Variants in RBFOX1 observed in about 807,000 individuals in gnomAD.
RBFOX1 encodes RNA binding protein fox-1 homolog 1.
RBFOX1 carries 8 observed loss-of-function variants against 57.7 expected under a neutral mutation model. The observed-to-expected ratio is 0.14, with a 90% CI of 0.08 to 0.25. RBFOX1 has a LOEUF of 0.25. Among genes scored for constraint, RBFOX1 ranks in the 10% least tolerant of loss-of-function variants. The pLI, the probability that RBFOX1 is intolerant of heterozygous loss-of-function variation, is 1.00. For missense variants in RBFOX1, 611 were observed against 548.5 expected (o/e 1.11, Z -1.14); for synonymous variants, 326 against 222.4 (o/e 1.47, Z -4.15).
rs117448923 is a variant in RBFOX1 at position 6,371,940 on chromosome 16, C to G, written c.-64+54883C>G. 1.7e-3 allele frequency among the ~76,000 whole-genome samples: 266 copies of G among 152,254 alleles called. 3 individuals are homozygous for G. The East Asian group carries it at 0.042, about 24-fold the overall frequency. On this transcript the variant is annotated intron_variant, in intron 2 of 15. Coordinates refer to ENST00000550418, the MANE Select transcript of RBFOX1 (RefSeq NM_018723.4). ...GCTGTGAGACCCTTCAGAAGAGAGA[C>G]TTCATATTTTTTGTCATCTTTGTAT...
At chr16:6,609,824 A>G (rs946789805) in intron 2 of RBFOX1, among the ~76,000 whole-genome samples, 2 of 152,054 alleles carry the variant, frequency 1.3e-5, no homozygotes, top group Non-Finnish European at 2.9e-5. Context: ...CCTGGCCAAC[A>G]TGGTGAAACC....
intron 3 of RBFOX1, among the ~76,000 whole-genome samples, chr16:5,660,236 G>A (rs1488952361): frequency 6.6e-6 from 1 of 152,124 alleles, no homozygotes; most frequent in Non-Finnish European, 1.5e-5. Flanking sequence ...GTATTAAATG[G>A]TATTCTCAAG....
At position 7,706,027 on chromosome 16, in the gene RBFOX1, C is replaced by G. The variant is rs1052835991; in HGVS notation, c.996-3029C>G. 2.6e-5 allele frequency among the ~76,000 whole-genome samples: 4 copies of G among 152,150 alleles called. No individual in the cohort carries two copies. In the South Asian group the frequency reaches 8.3e-4, roughly 32 times the overall value. ...CTCTTCCCATCATTCCTGTGGACAT[C>G]CTGGGTATTGCTGTGCTCTGTCTCC... On this transcript the variant is annotated intron_variant, in intron 14 of 15. Transcript: ENST00000550418.
chr16:5,794,074 C>G lies in RBFOX1; in HGVS notation c.319-73229C>G, dbSNP rs536916587. Reference sequence around the variant, plus strand: ...GGTTAAGGGAATGAGCATTTGGAGCCTCGACCTTGACATTTAATTCCAGTA... The same window carrying G: ...GGTTAAGGGAATGAGCATTTGGAGCGTCGACCTTGACATTTAATTCCAGTA... On this transcript the variant is annotated intron_variant, in intron 3 of 19. Transcript: ENST00000641259. Among the ~76,000 whole-genome samples the G allele has an allele frequency of 1.2e-4, 18 of 152,290 alleles. No homozygotes were observed. In the South Asian group the frequency reaches 1.5e-3, roughly 12 times the overall value.
At chr16:7,638,560 G>C (rs919534608) in intron 11 of RBFOX1, among the ~76,000 whole-genome samples, 12 of 152,166 alleles carry the variant, frequency 7.9e-5, no homozygotes, top group Admixed American at 2.6e-4. Flanking sequence ...ATCATGTTTG[G>C]AGAGGCAGTT....
chr16:6,331,105 G>T (rs1033265499), intron 2 of RBFOX1, among the ~76,000 whole-genome samples: 5 of 152,182 alleles, frequency 3.3e-5, no homozygotes. Context: ...TCTGGCTACT[G>T]TGTTGAAGAA....
chr16:5,590,810 C>T (rs934504438), intron 2 of RBFOX1, among the ~76,000 whole-genome samples: 1 of 152,174 alleles, frequency 6.6e-6, no homozygotes, highest in African/African-American at 2.4e-5. Context: ...GTGCATCTAC[C>T]TCAGTGGTAA....
chr16:6,952,034 T>G, intron 3 of RBFOX1, among the ~76,000 whole-genome samples: 1 of 152,210 alleles, frequency 6.6e-6, no homozygotes, highest in East Asian at 1.9e-4. Context: ...TGGCCACTGT[T>G]GAAAAAAGTG....
chr16:6,279,640 G>C (rs2076179387), intron 1 of RBFOX1, among the ~76,000 whole-genome samples: 1 of 152,180 alleles, frequency 6.6e-6, no homozygotes, highest in Non-Finnish European at 1.5e-5. Flanking sequence ...GATTATTAGG[G>C]AGAAGAGAAA....
chr16:6,997,104 A>G (rs72776236), intron 3 of RBFOX1, among the ~76,000 whole-genome samples: 9,357 of 152,188 alleles, frequency 0.061, 306 homozygotes, highest in African/African-American at 0.078. Context: ...TGTTGTGTTG[A>G]CTGTGTTTTG....
At chr16:5,948,499 G>A (rs189320462) in intron 4 of RBFOX1, among the ~76,000 whole-genome samples, 1 of 152,292 alleles carries the variant, frequency 6.6e-6, no homozygotes, top group East Asian at 1.9e-4. Flanking sequence ...GATATAATTA[G>A]TTAAGATGAG....
chr16:5,729,132 T>G (rs1567457544), intron 3 of RBFOX1, among the ~76,000 whole-genome samples: 1 of 152,232 alleles, frequency 6.6e-6, no homozygotes, highest in Non-Finnish European at 1.5e-5. Context: ...ACATAGACTT[T>G]GGAAACTGGG....
chr16:6,135,783 G>A (rs1366503857), intron 1 of RBFOX1, among the ~76,000 whole-genome samples: 8 of 134,884 alleles, frequency 5.9e-5, no homozygotes, highest in Non-Finnish European at 1.3e-4. Context: ...CACTCGTTTC[G>A]ACTTTTTTTT....
chr16:7,473,572 C>A (rs1234703082), intron 4 of RBFOX1, among the ~76,000 whole-genome samples: 1 of 151,116 alleles, frequency 6.6e-6, no homozygotes, highest in Non-Finnish European at 1.5e-5. Flanking sequence ...AAGCAGTTTG[C>A]TTGTTTTCCT....
At chr16:5,666,959 A>T (rs955790623) in intron 3 of RBFOX1, among the ~76,000 whole-genome samples, 1 of 152,202 alleles carries the variant, frequency 6.6e-6, no homozygotes, top group Non-Finnish European at 1.5e-5. Flanking sequence ...ACACATGAAG[A>T]AAAAAATAGG....
intron 3 of RBFOX1, among the ~76,000 whole-genome samples, chr16:6,927,824 T>C (rs924503949): frequency 4.5e-4 from 68 of 152,162 alleles, no homozygotes; most frequent in African/African-American, 1.6e-3. Flanking sequence ...AGCCTAACAC[T>C]GAAGGAAATA....
At position 7,165,571 on chromosome 16, in the gene RBFOX1, G is replaced by A. The variant is rs550793181; in HGVS notation, c.27+113473G>A. On this transcript the variant is annotated intron_variant, in intron 4 of 15. Transcript: ENST00000550418. ...CAGCCTCCTGAGTAGCTGGGATTAC[G>A]GGCATGCACCACCACGCCCGGCTAA... Among the ~76,000 whole-genome samples the A allele has an allele frequency of 5.9e-5, 9 of 151,570 alleles. No homozygotes were observed. In the South Asian group the frequency reaches 1.3e-3, roughly 21 times the overall value.
At chr16:7,180,431 G>A (rs1248780711) in intron 4 of RBFOX1, among the ~76,000 whole-genome samples, 2 of 152,056 alleles carry the variant, frequency 1.3e-5, no homozygotes, top group South Asian at 4.1e-4. Flanking sequence ...CAGATGCCGG[G>A]CAAGGTGAAG....
At chr16:7,010,928 A>C (rs1568359383) in intron 3 of RBFOX1, among the ~76,000 whole-genome samples, 1 of 152,216 alleles carries the variant, frequency 6.6e-6, no homozygotes, top group African/African-American at 2.4e-5. Context: ...TTCTCCCACC[A>C]AAGTGAGTCT....
Sources: allele counts gnomAD v4.1 joint callset (sites outside exome capture counted in the v4.1 genomes callset), GRCh38; gene constraint gnomAD v4.1.1; transcripts MANE v1.5; gene names NCBI Gene and HGNC (gene_info 2026-07-23, HGNC 2026-07-21).